The following DNAJC19 variants were observed in gnomAD, a reference collection of about 807,000 sequenced individuals.
The protein encoded by DNAJC19 is mitochondrial import inner membrane translocase subunit TIM14.
In DNAJC19, 15 loss-of-function variants were observed where a neutral mutation model predicts 19.8. The ratio of observed to expected loss-of-function variants is 0.76; its 90% CI spans 0.51 to 1.17. The LOEUF (loss-of-function observed/expected upper bound fraction) is 1.17. Ranked by LOEUF, DNAJC19 falls within the 50% of genes most tolerant of loss-of-function variation. The pLI, the probability that DNAJC19 is intolerant of heterozygous loss-of-function variation, is 0.00. For synonymous variants in DNAJC19, 38 were observed against 42.1 expected (o/e 0.90, Z 0.38); for missense variants, 105 against 140.9 (o/e 0.75, Z 1.29).
chr3:180,988,352 T>C lies in DNAJC19; in HGVS notation c.4-123A>G, dbSNP rs1258160891. ...TAATAGGAGAAACAACTTTTTTTTT[T>C]CTTTTTTTTTTTTTTTTTTTAAGAG... On this transcript the variant is annotated intron_variant, in intron 1 of 5. Coordinates refer to ENST00000382564, the MANE Select transcript of DNAJC19 (RefSeq NM_145261.4). 9.2e-5 allele frequency: 94 copies of C among 1,019,032 alleles called. No homozygotes were observed. The African/African-American group carries it at 1.4e-3, about 15-fold the overall frequency. 63.1% of individuals were successfully genotyped at this position (1,019,032 alleles called of 1,614,324 possible). A position where few individuals can be genotyped will look rare whatever the true frequency, so the allele number is the denominator to read the frequency against.
At chr3:180,986,290 T>TTG (rs1553783119) in intron 4 of DNAJC19, among the ~76,000 whole-genome samples, 2 of 150,480 alleles carry the variant, frequency 1.3e-5, no homozygotes, top group Admixed American at 6.6e-5. Context: ...AGTTTTGTTT[T>TTG]TTTTTTTTTT....
At position 180,989,676 on chromosome 3, in the gene DNAJC19, C is replaced by CA. The variant is rs1465570574; in HGVS notation, c.-75dup. ...GCTCAGAGGCCGCGGCCAACACCTG[C>CA]ACGCCTTTACCAGAGAGCGACGCAA... On this transcript the variant is annotated 5_prime_UTR_variant, in exon 1 of 6. Transcript: ENST00000382564. The CA allele has an allele frequency of 6.4e-7, 1 of 1,557,938 alleles. No individual in the cohort carries two copies.
chr3:180,985,827 G>T, intron 5 of DNAJC19, 99 bp downstream of exon 5: 1 of 1,025,990 alleles, frequency 9.7e-7, no homozygotes, highest in Non-Finnish European at 1.5e-6. Flanking sequence ...ACAGATTTAA[G>T]TGTTACCTTT....
intron 1 of DNAJC19, 135 bp from the exon 2 acceptor site, chr3:180,988,364 T>C (rs1577025972): frequency 1.2e-5 from 13 of 1,083,874 alleles, no homozygotes; most frequent in South Asian, 4.6e-5. Flanking sequence ...TTTTTTTTTT[T>C]TTTTTTTTAA....
chr3:180,988,343 T>A, intron 1 of DNAJC19, 114 bp from the exon 2 acceptor site: 94 of 995,948 alleles, frequency 9.4e-5, no homozygotes, highest in Non-Finnish European at 1.3e-4. Flanking sequence ...GAGAAACAAC[T>A]TTTTTTTTTC....
chr3:180,988,353 C>CTTTTTTTTTTTT (rs369840102), intron 1 of DNAJC19, 124 bp from the exon 2 acceptor site: 3 of 650,242 alleles, frequency 4.6e-6, no homozygotes, highest in Admixed American at 3.3e-5. Context: ...TTTTTTTTTT[C>CTTTTTTTTTTTT]TTTTTTTTTT....
In DNAJC19 at chr3:180,984,296, A is replaced by G; in HGVS notation, c.*344T>C. On this transcript the variant is annotated 3_prime_UTR_variant, in exon 6 of 6. Transcript: ENST00000382564. ...TACTATTTATCACAGTCTAATTACC[A>G]GTTTATCAGTCTCCCATTAAAGTGG... 3 of 457,744 alleles carry G rather than the reference A, an allele frequency of 6.6e-6. No individual in the cohort carries two copies. Among genetic ancestry groups the G allele is most frequent in the South Asian group, 4.7e-5 (3 of 64,498 alleles). The allele number at this position is 457,744 out of a possible 1,614,324, so 28.4% of individuals were successfully genotyped here. A position where few individuals can be genotyped will look rare whatever the true frequency, so the allele number is the denominator to read the frequency against.
chr3:180,988,352 T>TA (rs1715017483), intron 1 of DNAJC19, 123 bp from the exon 2 acceptor site: 82 of 1,018,808 alleles, frequency 8.0e-5, no homozygotes, highest in Middle Eastern at 2.8e-4. Flanking sequence ...CTTTTTTTTT[T>TA]CTTTTTTTTT....
At chr3:180,985,202 T>A (rs929242653) in intron 5 of DNAJC19, among the ~76,000 whole-genome samples, 1 of 152,190 alleles carries the variant, frequency 6.6e-6, no homozygotes, top group Non-Finnish European at 1.5e-5. Flanking sequence ...CTTCACAATG[T>A]CATCTACAGC....
At chr3:180,986,313 ACT>A (rs1303923782) in intron 4 of DNAJC19, among the ~76,000 whole-genome samples, 1 of 147,784 alleles carries the variant, frequency 6.8e-6, no homozygotes, top group Non-Finnish European at 1.5e-5. Context: ...AGATAGTCTC[ACT>A]CTGTCCCCTA....
intron 3 of DNAJC19, 70 bp from the exon 4 acceptor site, chr3:180,987,092 A>G: frequency 7.3e-7 from 1 of 1,368,538 alleles, no homozygotes; most frequent in Non-Finnish European, 1.0e-6. Flanking sequence ...ACGTCTGGAA[A>G]TATTCACAGA....
intron 4 of DNAJC19, among the ~76,000 whole-genome samples, chr3:180,986,375 G>A (rs933742778): frequency 3.3e-5 from 5 of 149,538 alleles, no homozygotes; most frequent in African/African-American, 4.9e-5. Flanking sequence ...TCGGCCTCCC[G>A]GGTTCAAGCG....
In DNAJC19 at chr3:180,989,252, G is replaced by C. The variant is rs914966129; in HGVS notation, c.3+348C>G. On this transcript the variant is annotated intron_variant, in intron 1 of 5. Transcript: ENST00000382564. Reference sequence around the variant, plus strand: ...AAGGACATAGCAAAGTGGAGCTAGTGCTGTGAAGATGTGTTAGGGCAAGGG... The same window carrying C: ...AAGGACATAGCAAAGTGGAGCTAGTCCTGTGAAGATGTGTTAGGGCAAGGG... 22 of 1,178,832 alleles carry C rather than the reference G, an allele frequency of 1.9e-5. No homozygotes were observed. The Middle Eastern group carries it at 1.3e-3, about 71-fold the overall frequency. 73.0% of individuals were successfully genotyped at this position (1,178,832 alleles called of 1,614,324 possible).
rs894004098 is a variant in DNAJC19 at position 180,989,704 on chromosome 3, C to T, written c.-102G>A. The T allele has an allele frequency of 5.2e-6, 8 of 1,541,286 alleles. No individual in the cohort carries two copies. The African/African-American group carries it at 5.5e-5, about 11-fold the overall frequency. On this transcript the variant is annotated 5_prime_UTR_variant, in exon 1 of 6. Transcript: ENST00000382564. ...GCCTTTACCAGAGAGCGACGCAACC[C>T]CCAACCTCAAGCACAGGCGCCCTAC... is the stretch of plus-strand genomic sequence containing the variant.
intron 4 of DNAJC19, among the ~76,000 whole-genome samples, chr3:180,986,285 T>A (rs1714903743): frequency 7.2e-6 from 1 of 138,594 alleles, no homozygotes. Flanking sequence ...GGAAGAGTTT[T>A]GTTTTTTTTT....
chr3:180,989,730 G>C lies in DNAJC19; in HGVS notation c.-128C>G, dbSNP rs1271057212. On this transcript the variant is annotated 5_prime_UTR_variant, in exon 1 of 6. Transcript: ENST00000382564. ...CCAACCTCAAGCACAGGCGCCCTAC[G>C]CAACACGGCAGGAGCAGCCGCAAAC... The C allele has an allele frequency of 6.8e-7, 1 of 1,476,990 alleles. No homozygotes were observed. The highest frequency in any genetic ancestry group is 1.4e-5 in the African/African-American group (1 of 71,760). 91.5% of individuals were successfully genotyped at this position (1,476,990 alleles called of 1,614,324 possible). A position where few individuals can be genotyped will look rare whatever the true frequency, so the allele number is the denominator to read the frequency against.
chr3:180,983,911 A>G lies in DNAJC19; in HGVS notation c.*729T>C. 1 of 454,036 alleles carries G rather than the reference A, an allele frequency of 2.2e-6. No individual in the cohort carries two copies. The highest frequency in any genetic ancestry group is 4.4e-6 in the Non-Finnish European group (1 of 226,760). The allele number at this position is 454,036 out of a possible 1,614,324, so 28.1% of individuals were successfully genotyped here. A position where few individuals can be genotyped will look rare whatever the true frequency, so the allele number is the denominator to read the frequency against. ...AAATGGTCATTACCTTTAAGGGGCT[A>G]GCTGAATACAATGTAAATACTCATG... On this transcript the variant is annotated 3_prime_UTR_variant, in exon 6 of 6. Transcript: ENST00000382564.
At chr3:180,988,778 G>T (rs1284403595) in intron 1 of DNAJC19, among the ~76,000 whole-genome samples, 1 of 151,388 alleles carries the variant, frequency 6.6e-6, no homozygotes, top group Non-Finnish European at 1.5e-5. Context: ...CGAGGCGGGC[G>T]TATCACTAGG....
intron 1 of DNAJC19, 104 bp downstream of exon 1, chr3:180,989,496 A>C (rs1411805608): frequency 6.5e-7 from 1 of 1,544,528 alleles, no homozygotes; most frequent in Non-Finnish European, 8.8e-7. Context: ...TCCCGCCCGC[A>C]GTCGCACTAA....
Sources: allele counts gnomAD v4.1 joint callset (sites outside exome capture counted in the v4.1 genomes callset), GRCh38; gene constraint gnomAD v4.1.1; transcripts MANE v1.5; gene names NCBI Gene and HGNC (gene_info 2026-07-23, HGNC 2026-07-21).